Variants in AFDN observed in about 807,000 individuals in gnomAD.
AFDN encodes afadin, adherens junction formation factor.
AFDN carries 68 observed loss-of-function variants against 216.6 expected under a neutral mutation model. The observed-to-expected ratio is 0.31, with a 90% CI of 0.26 to 0.38. AFDN has a LOEUF of 0.38. Among genes scored for constraint, AFDN ranks in the 10% least tolerant of loss-of-function variants. The pLI is 1.00. For synonymous variants in AFDN, 868 were observed against 853.7 expected (o/e 1.02, Z -0.29); for missense variants, 2,136 against 2,342.0 (o/e 0.91, Z 1.82).
Position 167,875,470 on chromosome 6 carries a change from G to C in AFDN, c.714G>C (p.Arg238=). 2 of 1,613,956 alleles carry C rather than the reference G, an allele frequency of 1.2e-6. No individual in the cohort carries two copies. The highest frequency in any genetic ancestry group is 1.7e-6 in the Non-Finnish European group (2 of 1,179,912). Residue 238 remains arginine, a synonymous_variant, in exon 5 of 34, where the codon CGG becomes CGC. Transcript: ENST00000683244. ...QKLEKRMQEF[R]SSDGRPDSGG... ...TGGAAAAGAGAATGCAGGAATTTCGGAGCTCAGATGGGCGGCCTGATTCAG... is the reference window on the plus strand; with the variant it reads ...TGGAAAAGAGAATGCAGGAATTTCGCAGCTCAGATGGGCGGCCTGATTCAG...
intron 31 of AFDN, chr6:167,965,139 G>A (rs1273164013): frequency 1.6e-5 from 14 of 870,658 alleles, no homozygotes; most frequent in Non-Finnish European, 1.8e-5. Flanking sequence ...TACTTTGGGA[G>A]AATGAGTGTT....
intron 1 of AFDN, among the ~76,000 whole-genome samples, chr6:167,852,297 T>C (rs1007407540): frequency 2.0e-5 from 3 of 152,230 alleles, no homozygotes; most frequent in Non-Finnish European, 4.4e-5. Context: ...CTACATCTCT[T>C]TTAATCTAGA....
At chr6:167,963,114 T>G (rs549662719) in intron 31 of AFDN, 17 of 1,067,850 alleles carry the variant, frequency 1.6e-5, no homozygotes, top group Non-Finnish European at 1.8e-5. Flanking sequence ...GTTATTTATT[T>G]TCATGTGTGT....
Position 167,827,235 on chromosome 6 carries a change from G to T in AFDN, c.103G>T (p.Glu35Ter). 8.4e-7 allele frequency: 1 copy of T among 1,193,170 alleles called. No homozygotes were observed. The highest frequency in any genetic ancestry group is 1.1e-6 in the Non-Finnish European group (1 of 932,522). The allele number at this position is 1,193,170 out of a possible 1,614,324, so 73.9% of individuals were successfully genotyped here. Residue 35 changes from glutamate to a stop codon, truncating the protein, a stop_gained and splice_region_variant, in exon 1 of 34, where the codon GAG (glutamate) becomes TAG (stop). Coordinates refer to ENST00000683244, the MANE Select transcript of AFDN (RefSeq NM_001386888.1). LOFTEE classifies it high-confidence loss of function. The stretch of plus-strand genomic sequence containing the variant: ...CCTGTTCGAGATCAGCCAGCCGACC[G>T]AGGTGAGCACCGCCGGGCGCGGGGC... ...LDLFEISQPT[E>*]DLEFHGVMRF...
At chr6:167,916,864 G>A (rs565646050) in intron 19 of AFDN, among the ~76,000 whole-genome samples, 5 of 152,144 alleles carry the variant, frequency 3.3e-5, no homozygotes, top group African/African-American at 7.2e-5. Flanking sequence ...ATACATGCAC[G>A]TCATAAAATT....
chr6:167,897,075 G>A (rs1007897603), intron 10 of AFDN, 103 bp downstream of exon 10: 8 of 521,052 alleles, frequency 1.5e-5, no homozygotes, highest in East Asian at 7.2e-5. Context: ...TATAATTACC[G>A]ACTTGTATTT....
chr6:167,864,783 C>A, intron 2 of AFDN, 37 bp downstream of exon 2: 1 of 1,596,718 alleles, frequency 6.3e-7, no homozygotes, highest in Admixed American at 1.7e-5. Flanking sequence ...AGAGGCATGA[C>A]CTGACCTGTG....
rs139404289 is a variant in AFDN, at chr6:167,875,635, G to C, written c.739+140G>C. On this transcript the variant is annotated intron_variant, in intron 5 of 33. Transcript: ENST00000683244. ...AACAAATGTGTACCATATACTTCTG[G>C]TACAAAATCAGCCTACCCTATGTAC... The C allele has an allele frequency of 2.8e-3, 2,466 of 876,174 alleles. 49 individuals carry two copies. In the African/African-American group the frequency reaches 0.036, roughly 13 times the overall value. 54.3% of individuals were successfully genotyped at this position (876,174 alleles called of 1,614,324 possible).
At chr6:167,934,391 G>A (rs1793721311) in intron 23 of AFDN, among the ~76,000 whole-genome samples, 1 of 152,168 alleles carries the variant, frequency 6.6e-6, no homozygotes, top group South Asian at 2.1e-4. Context: ...GTGAATTTTA[G>A]AACTGATTAT....
At chr6:167,841,261 G>A (rs975943845) in intron 1 of AFDN, among the ~76,000 whole-genome samples, 2 of 152,190 alleles carry the variant, frequency 1.3e-5, no homozygotes, top group South Asian at 4.1e-4. Flanking sequence ...TGAGGTACTT[G>A]TGGATTTCCC....
At chr6:167,910,873 G>A (rs907257979) in intron 13 of AFDN, among the ~76,000 whole-genome samples, 2 of 152,112 alleles carry the variant, frequency 1.3e-5, no homozygotes, top group Non-Finnish European at 1.5e-5. Context: ...CTGTCATGGC[G>A]GCGGCATATA....
At chr6:167,909,357 T>G (rs1649187174) in intron 13 of AFDN, among the ~76,000 whole-genome samples, 1 of 152,046 alleles carries the variant, frequency 6.6e-6, no homozygotes, top group Non-Finnish European at 1.5e-5. Context: ...CTTTATTCAT[T>G]TTTTGGTGCA....
chr6:167,827,882 C>A (rs1396409746), intron 1 of AFDN: 1 of 152,236 alleles, frequency 6.6e-6, no homozygotes, highest in East Asian at 1.9e-4. Flanking sequence ...AGGCGCCGGC[C>A]CCAGGCTGGC....
At chr6:167,843,724 A>G (rs1781327274) in intron 1 of AFDN, among the ~76,000 whole-genome samples, 1 of 152,228 alleles carries the variant, frequency 6.6e-6, no homozygotes, top group African/African-American at 2.4e-5. Context: ...AAATTTATTA[A>G]ATATAAGTAG....
Position 167,844,922 on chromosome 6 carries a change from C to T in AFDN, c.105+17685C>T, listed in dbSNP as rs539681492. On this transcript the variant is annotated intron_variant, in intron 1 of 33. Coordinates refer to ENST00000683244, the MANE Select transcript of AFDN (RefSeq NM_001386888.1). ...TCACTCAGGCTGGAGTGCAGTGGCG[C>T]GATCATAGCTCACTGTAGCCTCGAC... is the stretch of plus-strand genomic sequence containing the variant. 7.5e-5 allele frequency among the ~76,000 whole-genome samples: 11 copies of T among 146,908 alleles called. No homozygotes were observed. In the East Asian group the frequency reaches 1.9e-3, roughly 25 times the overall value.
intron 13 of AFDN, among the ~76,000 whole-genome samples, chr6:167,909,456 T>C (rs931727625): frequency 2.0e-5 from 3 of 152,136 alleles, no homozygotes; most frequent in Admixed American, 6.5e-5. Flanking sequence ...AAATCTGTAA[T>C]CATCATAAGT....
chr6:167,893,323 A>C (rs956554809), intron 8 of AFDN, among the ~76,000 whole-genome samples: 8 of 152,222 alleles, frequency 5.3e-5, no homozygotes, highest in African/African-American at 1.9e-4. Flanking sequence ...ATGAGAAAAT[A>C]ATATTCATAC....
At position 167,850,881 on chromosome 6, in the gene AFDN, TTGTGTGTGTG is replaced by T. The variant is rs35799397; in HGVS notation, c.106-13659_106-13650del. Among the ~76,000 whole-genome samples, 6 of 151,300 alleles carry T rather than the reference TTGTGTGTGTG, an allele frequency of 4.0e-5. No homozygotes were observed. The South Asian group carries it at 1.3e-3, about 32-fold the overall frequency. On this transcript the variant is annotated intron_variant, in intron 1 of 33. Coordinates refer to ENST00000683244, the MANE Select transcript of AFDN (RefSeq NM_001386888.1). ...TGTATTTCAACAATATAATTTTTTA[TTGTGTGTGTG>T]TGTGTGTGTGACAAAGTCTTGCTCT...
chr6:167,847,718 C>A (rs2128160219), intron 1 of AFDN, among the ~76,000 whole-genome samples: 1 of 152,274 alleles, frequency 6.6e-6, no homozygotes, highest in Admixed American at 6.5e-5. Flanking sequence ...TTCATATCTC[C>A]CACCTGGGTT....
Sources: gnomAD v4.1 joint callset for allele counts (sites outside exome capture counted in the v4.1 genomes callset) on GRCh38, gnomAD v4.1.1 for gene constraint, MANE v1.5 for transcripts, NCBI Gene and HGNC (gene_info 2026-07-23, HGNC 2026-07-21) for gene names.